CADM1: variants seen among roughly 807,000 people sequenced by gnomAD.
CADM1 encodes cell adhesion molecule 1.
CADM1 carries 15 observed loss-of-function variants against 53.1 expected under a neutral mutation model. That is an observed-to-expected ratio of 0.28 (90% CI 0.19 to 0.44). The LOEUF (loss-of-function observed/expected upper bound fraction) is 0.44, where lower values mean the gene tolerates loss of function less well. Among genes scored for constraint, CADM1 ranks in the 20% least tolerant of loss-of-function variants. The pLI is 1.00. For missense variants in CADM1, 434 were observed against 611.3 expected, an observed-to-expected ratio of 0.71 and a Z score of 3.06; for synonymous variants, 281 against 243.0, an observed-to-expected ratio of 1.16 and a Z score of -1.45.
At chr11:115,239,384 A>T in intron 2 of CADM1, among the ~76,000 whole-genome samples, 1 of 152,196 alleles carries the variant, frequency 6.6e-6, no homozygotes. Flanking sequence ...GCTTCACAGT[A>T]TGAAACTGAT....
At chr11:115,334,466 T>C (rs190606851) in intron 1 of CADM1, among the ~76,000 whole-genome samples, 2,122 of 146,036 alleles carry the variant, frequency 0.015, 64 homozygotes, top group African/African-American at 0.052. Flanking sequence ...ACAGTACTCA[T>C]CAATTGATGA....
chr11:115,207,608 G>A (rs1396506784), intron 8 of CADM1, among the ~76,000 whole-genome samples: 1 of 152,012 alleles, frequency 6.6e-6, no homozygotes, highest in African/African-American at 2.4e-5. Context: ...GCATAAGCTA[G>A]TGAGAAGGCC....
At chr11:115,351,405 A>G (rs2135060641) in intron 1 of CADM1, among the ~76,000 whole-genome samples, 1 of 152,310 alleles carries the variant, frequency 6.6e-6, no homozygotes, top group Non-Finnish European at 1.5e-5. Flanking sequence ...AGCATGAGGC[A>G]CTAACATTAA....
chr11:115,295,546 ATAT>A lies in CADM1; in HGVS notation c.125-55129_125-55127del, dbSNP rs1944051755. Among the ~76,000 whole-genome samples the A allele has an allele frequency of 4.6e-4, 25 of 54,106 alleles. 1 individual carries two copies. Among genetic ancestry groups the A allele is most frequent in the Admixed American group, 2.7e-3 (13 of 4,854 alleles). The allele number at this position is 54,106 out of a possible 152,430, so 35.5% of individuals were successfully genotyped here. Reference sequence around the variant, plus strand: ...TATATATATATATATATATATATATATATAATATATATGTATATGCACATATAT... The same window carrying A: ...TATATATATATATATATATATATATAAATATATATGTATATGCACATATAT... On this transcript the variant is annotated intron_variant, in intron 1 of 11. Coordinates refer to ENST00000331581, the MANE Select transcript of CADM1 (RefSeq NM_001301043.2).
intron 1 of CADM1, among the ~76,000 whole-genome samples, chr11:115,381,249 G>C (rs1946570581): frequency 6.6e-6 from 1 of 151,152 alleles, no homozygotes; most frequent in Non-Finnish European, 1.5e-5. Context: ...AGCCGAGATG[G>C]CGCCACTGCA....
At chr11:115,483,078 C>T (rs993422885) in intron 1 of CADM1, among the ~76,000 whole-genome samples, 9 of 152,302 alleles carry the variant, frequency 5.9e-5, no homozygotes, top group Admixed American at 2.0e-4. Context: ...TCTGTCCCAA[C>T]TTTTCTCTAA....
chr11:115,189,700 A>G (rs1322302854), intron 10 of CADM1, among the ~76,000 whole-genome samples: 3 of 152,214 alleles, frequency 2.0e-5, no homozygotes, highest in Non-Finnish European at 4.4e-5. Context: ...TTATTTATCT[A>G]TGCATTGGGA....
intron 5 of CADM1, among the ~76,000 whole-genome samples, chr11:115,227,374 G>A (rs1941650316): frequency 6.6e-6 from 1 of 152,044 alleles, no homozygotes; most frequent in African/African-American, 2.4e-5. Context: ...GGGAGTGAGG[G>A]TAATTTGGTA....
chr11:115,443,174 A>T (rs1388687071), intron 1 of CADM1, among the ~76,000 whole-genome samples: 2 of 152,198 alleles, frequency 1.3e-5, no homozygotes, highest in African/African-American at 2.4e-5. Context: ...AGGTGAATGA[A>T]GGGGAAAGGA....
intron 7 of CADM1, among the ~76,000 whole-genome samples, chr11:115,213,138 C>T (rs894433707): frequency 6.6e-5 from 10 of 152,278 alleles, no homozygotes; most frequent in African/African-American, 1.7e-4. Flanking sequence ...CCAGTAAACC[C>T]GGGCAACAGC....
chr11:115,386,473 AGGCTGAAAAGTACAG>A (rs1946700959), intron 1 of CADM1, among the ~76,000 whole-genome samples: 1 of 152,208 alleles, frequency 6.6e-6, no homozygotes. Flanking sequence ...ACAGTTATGG[AGGCTGAAAAGTACAG>A]GGTCAAGGAG....
At chr11:115,227,995 C>T (rs1265423255) in intron 5 of CADM1, among the ~76,000 whole-genome samples, 1 of 152,214 alleles carries the variant, frequency 6.6e-6, no homozygotes, top group Non-Finnish European at 1.5e-5. Flanking sequence ...TGAGGCCATT[C>T]TGGATTATCT....
chr11:115,392,754 A>C (rs1361648999), intron 1 of CADM1, among the ~76,000 whole-genome samples: 1 of 152,146 alleles, frequency 6.6e-6, no homozygotes, highest in Non-Finnish European at 1.5e-5. Flanking sequence ...CCATTATCTG[A>C]CCCAGGAATT....
At chr11:115,275,213 G>A (rs1027536895) in intron 1 of CADM1, among the ~76,000 whole-genome samples, 14 of 152,112 alleles carry the variant, frequency 9.2e-5, no homozygotes, top group African/African-American at 2.9e-4. Context: ...ACCTCCTCTC[G>A]CTCACGTCCT....
At chr11:115,407,873 TAA>T (rs148209064) in intron 1 of CADM1, among the ~76,000 whole-genome samples, 519 of 31,674 alleles carry the variant, frequency 0.016, 5 homozygotes, top group African/African-American at 0.031. Flanking sequence ...CCCTGTCATT[TAA>T]AAAAAAAAAA....
At chr11:115,477,622 C>T (rs1173471447) in intron 1 of CADM1, among the ~76,000 whole-genome samples, 1 of 152,234 alleles carries the variant, frequency 6.6e-6, no homozygotes, top group Non-Finnish European at 1.5e-5. Flanking sequence ...ATAGTGATTT[C>T]TGCTCCACTC....
At chr11:115,264,448 C>T (rs1236246051) in intron 1 of CADM1, among the ~76,000 whole-genome samples, 3 of 152,212 alleles carry the variant, frequency 2.0e-5, no homozygotes, top group African/African-American at 4.8e-5. Flanking sequence ...ATAGTCACTT[C>T]CATCTCTGTC....
At chr11:115,494,846 A>C (rs1169244894) in intron 1 of CADM1, among the ~76,000 whole-genome samples, 1 of 152,160 alleles carries the variant, frequency 6.6e-6, no homozygotes, top group Non-Finnish European at 1.5e-5. Context: ...CCATCTTGTA[A>C]AGTAAGCAGT....
intron 1 of CADM1, among the ~76,000 whole-genome samples, chr11:115,410,495 G>A (rs1947433386): frequency 6.6e-6 from 1 of 152,142 alleles, no homozygotes; most frequent in Non-Finnish European, 1.5e-5. Context: ...GAATGGGAGG[G>A]TGGGGGGAAG....
Sources: gnomAD v4.1 joint callset for allele counts (sites outside exome capture counted in the v4.1 genomes callset) on GRCh38, gnomAD v4.1.1 for gene constraint, MANE v1.5 for transcripts, NCBI Gene and HGNC (gene_info 2026-07-23, HGNC 2026-07-21) for gene names.